The following NAA16 variants were observed in gnomAD, a reference collection of about 807,000 sequenced individuals.
NAA16 encodes N-alpha-acetyltransferase 16, NatA auxiliary subunit.
NAA16 carries 97 observed loss-of-function variants against 110.3 expected under a neutral mutation model. The observed-to-expected ratio is 0.88, with a 90% CI of 0.75 to 1.04. NAA16 has a LOEUF of 1.04. Ranked by LOEUF, NAA16 falls within the 50% of genes least tolerant of loss-of-function variation. The probability of loss-of-function intolerance (pLI) is 0.00; values close to 1 mark genes in which losing one functional copy is unlikely to be tolerated. For missense variants in NAA16, 1,017 were observed against 1,005.1 expected (o/e 1.01, Z -0.16); for synonymous variants, 372 against 330.6 (o/e 1.13, Z -1.36).
chr13:41,341,816 CATATT>C (rs1359485223), intron 9 of NAA16, among the ~76,000 whole-genome samples: 17 of 147,684 alleles, frequency 1.2e-4, no homozygotes, highest in African/African-American at 4.2e-4. Context: ...TAGTCTTTCA[CATATT>C]ATATCAGACC....
rs543309056 is a variant in NAA16, at chr13:41,348,974, C to T, written c.1015-6170C>T. ...TTTCTATAAAGTCAGTGGTAATATC[C>T]CCTCTTACTGTTTTTGGTTTTAATA... On this transcript the variant is annotated intron_variant, in intron 9 of 19. Transcript: ENST00000379406. Among the ~76,000 whole-genome samples, 4 of 152,130 alleles carry T rather than the reference C, an allele frequency of 2.6e-5. No individual in the cohort carries two copies. The East Asian group carries it at 5.8e-4, about 22-fold the overall frequency.
intron 1 of NAA16, among the ~76,000 whole-genome samples, 166 bp downstream of exon 1, chr13:41,311,748 C>T (rs2041582337): frequency 6.6e-6 from 1 of 152,224 alleles, no homozygotes; most frequent in South Asian, 2.1e-4. Flanking sequence ...TCCGGCCGGC[C>T]CACGGGGGCT....
chr13:41,326,084 T>A (rs1428307679), intron 6 of NAA16, among the ~76,000 whole-genome samples: 1 of 152,170 alleles, frequency 6.6e-6, no homozygotes, highest in African/African-American at 2.4e-5. Context: ...TCATACAGTT[T>A]AGTAAACTGG....
At chr13:41,314,723 G>T (rs550681007) in intron 1 of NAA16, among the ~76,000 whole-genome samples, 23 of 152,290 alleles carry the variant, frequency 1.5e-4, no homozygotes, top group African/African-American at 4.8e-4. Flanking sequence ...CGGCGCAGTG[G>T]CTCATGCCTG....
At chr13:41,336,828 A>AGCACATTATTTAC in intron 9 of NAA16, 72 bp downstream of exon 9, 1 of 841,448 alleles carries the variant, frequency 1.2e-6, no homozygotes, top group Non-Finnish European at 1.9e-6. Flanking sequence ...CCATGTAAAT[A>AGCACATTATTTAC]ATGTGCTATT....
rs369078893 is a variant in NAA16 at position 41,375,393 on chromosome 13, T to C, written c.2398-12T>C. ...TTTTTAAATAATTTGTGTTTTCCTT[T>C]TGTTTCACTAGACATTAATAAAGGT... On this transcript the variant is annotated splice_polypyrimidine_tract_variant and intron_variant, in intron 19 of 19. Coordinates refer to ENST00000379406, the MANE Select transcript of NAA16 (RefSeq NM_024561.5). The C allele has an allele frequency of 5.0e-6, 8 of 1,586,786 alleles. No homozygotes were observed. Among genetic ancestry groups the C allele is most frequent in the Non-Finnish European group, 6.9e-6 (8 of 1,161,936 alleles).
chr13:41,372,065 T>C (rs988239138), intron 15 of NAA16, 138 bp from the exon 16 acceptor site: 5 of 728,822 alleles, frequency 6.9e-6, no homozygotes, highest in Non-Finnish European at 7.8e-6. Flanking sequence ...ACAGATGATT[T>C]TTAAATGTTT....
intron 5 of NAA16, among the ~76,000 whole-genome samples, chr13:41,323,962 C>T (rs1287217701): frequency 1.3e-5 from 2 of 152,168 alleles, no homozygotes; most frequent in Non-Finnish European, 2.9e-5. Flanking sequence ...GACAGATAGG[C>T]ATTCTCTGTA....
intron 15 of NAA16, among the ~76,000 whole-genome samples, chr13:41,370,744 A>T (rs1395889389): frequency 6.6e-6 from 1 of 152,176 alleles, no homozygotes; most frequent in African/African-American, 2.4e-5. Context: ...GAAGTGGCCT[A>T]CCTGACCCCA....
intron 12 of NAA16, among the ~76,000 whole-genome samples, chr13:41,360,869 T>C (rs1328559203): frequency 1.3e-5 from 2 of 152,230 alleles, no homozygotes; most frequent in East Asian, 1.9e-4. Flanking sequence ...AAAAGTAATA[T>C]AGATTTCCTC....
At chr13:41,320,580 C>T in intron 3 of NAA16, 87 bp from the exon 4 acceptor site, 1 of 1,264,214 alleles carries the variant, frequency 7.9e-7, no homozygotes, top group Non-Finnish European at 1.1e-6. Flanking sequence ...AGGCAAAATA[C>T]CATTTCCTTA....
intron 10 of NAA16, among the ~76,000 whole-genome samples, chr13:41,357,475 T>C (rs2043015785): frequency 6.6e-6 from 1 of 152,236 alleles, no homozygotes; most frequent in South Asian, 2.1e-4. Context: ...AGGAACAGAG[T>C]AGAAGCTTAA....
intron 14 of NAA16, 53 bp from the exon 15 acceptor site, chr13:41,369,037 A>G: frequency 6.8e-7 from 1 of 1,464,296 alleles, no homozygotes; most frequent in Non-Finnish European, 9.2e-7. Context: ...ACAGAAGAAT[A>G]TGAAGAAAAT....
chr13:41,335,035 CATTCTTTTTCATACCT>C (rs1288182806), intron 8 of NAA16, among the ~76,000 whole-genome samples: 3 of 152,180 alleles, frequency 2.0e-5, no homozygotes, highest in Non-Finnish European at 4.4e-5. Context: ...AGAGCTTCCC[CATTCTTTTTCATACCT>C]GCACAATCTA....
intron 9 of NAA16, among the ~76,000 whole-genome samples, chr13:41,348,834 G>A (rs920004288): frequency 6.6e-6 from 1 of 151,986 alleles, no homozygotes; most frequent in African/African-American, 2.4e-5. Context: ...TTCATTACTG[G>A]TTTATTCAGA....
chr13:41,315,616 A>G (rs775895676), intron 1 of NAA16, among the ~76,000 whole-genome samples: 10 of 152,164 alleles, frequency 6.6e-5, no homozygotes, highest in Admixed American at 6.5e-5. Context: ...AGAGATTACA[A>G]ATTTTTTACA....
chr13:41,373,418 C>T (rs112634911), intron 17 of NAA16: 23,191 of 290,412 alleles, frequency 0.08, 1,068 homozygotes, highest in East Asian at 0.2. Context: ...CCACCATGCC[C>T]GGCTAATTTT....
At chr13:41,348,172 T>C (rs2042733724) in intron 9 of NAA16, among the ~76,000 whole-genome samples, 1 of 151,452 alleles carries the variant, frequency 6.6e-6, no homozygotes, top group Non-Finnish European at 1.5e-5. Flanking sequence ...AAACCAATTT[T>C]TATTTTTTTT....
chr13:41,331,533 G>A (rs572238944), intron 8 of NAA16, among the ~76,000 whole-genome samples, 164 bp downstream of exon 8: 19 of 152,204 alleles, frequency 1.2e-4, no homozygotes, highest in African/African-American at 4.6e-4. Flanking sequence ...ATACTTCAAT[G>A]TGTAGTTAAA....
Sources: allele counts gnomAD v4.1 joint callset (sites outside exome capture counted in the v4.1 genomes callset), GRCh38; gene constraint gnomAD v4.1.1; transcripts MANE v1.5; gene names NCBI Gene and HGNC (gene_info 2026-07-23, HGNC 2026-07-21).